Variants in PXT1 observed in about 807,000 individuals in gnomAD.
PXT1 encodes peroxisomal testis-specific protein 1.
In PXT1, 11 loss-of-function variants were observed where a neutral mutation model predicts 11.0. The observed-to-expected ratio is 1.00, with a 90% CI of 0.63 to 1.66. PXT1 has a LOEUF of 1.66. Ranked by LOEUF, PXT1 falls within the 40% of genes most tolerant of loss-of-function variation. PXT1 has a pLI of 0.00. For synonymous variants in PXT1, 43 were observed against 51.4 expected (o/e 0.84, Z 0.70); for missense variants, 141 against 155.5 (o/e 0.91, Z 0.49).
chr6:36,414,788 T>G (rs1774425888), intron 3 of PXT1, among the ~76,000 whole-genome samples: 1 of 152,210 alleles, frequency 6.6e-6, no homozygotes, highest in Non-Finnish European at 1.5e-5. Context: ...GGAAAATACA[T>G]GTCTCCCTTT....
At chr6:36,392,107 G>A in intron 4 of PXT1, 1 of 407,920 alleles carries the variant, frequency 2.5e-6, no homozygotes, top group Non-Finnish European at 4.4e-6. Context: ...TTTCCCACCT[G>A]GCCTCAAACT....
At chr6:36,425,660 C>T (rs772604946) in intron 3 of PXT1, among the ~76,000 whole-genome samples, 21 of 151,736 alleles carry the variant, frequency 1.4e-4, no homozygotes, top group Admixed American at 4.6e-4. Context: ...TGGTGGTGGG[C>T]GCCTGCAATC....
intron 3 of PXT1, 49 bp downstream of exon 3, chr6:36,425,865 A>G (rs1444202440): frequency 7.8e-7 from 1 of 1,286,328 alleles, no homozygotes. Flanking sequence ...TAGCAAGAAA[A>G]ACACATGCTA....
At chr6:36,430,941 AG>A (rs1272097403) in intron 2 of PXT1, among the ~76,000 whole-genome samples, 3 of 151,964 alleles carry the variant, frequency 2.0e-5, no homozygotes, top group Non-Finnish European at 4.4e-5. Context: ...CAGCCTCCTG[AG>A]TGGCTGGGAT....
intron 3 of PXT1, among the ~76,000 whole-genome samples, chr6:36,413,867 C>CA: frequency 6.6e-6 from 1 of 152,198 alleles, no homozygotes; most frequent in East Asian, 1.9e-4. Flanking sequence ...GATGTGATGG[C>CA]ATGAGCCTAT....
chr6:36,403,999 A>G (rs1378600944), intron 3 of PXT1, among the ~76,000 whole-genome samples: 1 of 152,214 alleles, frequency 6.6e-6, no homozygotes, highest in Admixed American at 6.5e-5. Flanking sequence ...TTCAATAACA[A>G]TGTAGGCGAG....
chr6:36,406,678 G>GTGCATGT (rs1774296615), intron 3 of PXT1, among the ~76,000 whole-genome samples: 1 of 152,012 alleles, frequency 6.6e-6, no homozygotes, highest in Admixed American at 6.6e-5. Flanking sequence ...GGGTGTGGCG[G>GTGCATGT]TGCATGTCTG....
intron 2 of PXT1, among the ~76,000 whole-genome samples, chr6:36,427,029 A>G (rs201011728): frequency 4.1e-5 from 3 of 73,698 alleles, no homozygotes; most frequent in Non-Finnish European, 7.4e-5. Context: ...TTTTTTTTTG[A>G]GACAGAGTCT....
At chr6:36,419,211 A>C (rs76615075) in intron 3 of PXT1, among the ~76,000 whole-genome samples, 167 of 152,338 alleles carry the variant, frequency 1.1e-3, no homozygotes, top group Middle Eastern at 6.8e-3. Flanking sequence ...GGAAGACTGA[A>C]CAAATTTCAC....
At chr6:36,420,912 G>A (rs925039578) in intron 3 of PXT1, among the ~76,000 whole-genome samples, 2 of 151,972 alleles carry the variant, frequency 1.3e-5, no homozygotes, top group Admixed American at 6.6e-5. Context: ...AAAATTAGCC[G>A]GGCATGGTGG....
chr6:36,408,294 C>A (rs1222179163), intron 3 of PXT1, among the ~76,000 whole-genome samples: 1 of 147,800 alleles, frequency 6.8e-6, no homozygotes, highest in Non-Finnish European at 1.5e-5. Context: ...GGGTCTCTCT[C>A]TATTGCCTCT....
intron 1 of PXT1, among the ~76,000 whole-genome samples, 176 bp downstream of exon 1, chr6:36,442,359 T>C (rs1355406400): frequency 6.6e-6 from 1 of 152,170 alleles, no homozygotes; most frequent in Non-Finnish European, 1.5e-5. Flanking sequence ...CAAAAGCCAC[T>C]AGAAACCGTG....
At chr6:36,437,494 A>G (rs1774783403) in intron 2 of PXT1, among the ~76,000 whole-genome samples, 1 of 141,880 alleles carries the variant, frequency 7.0e-6, no homozygotes, top group African/African-American at 2.6e-5. Context: ...ACATATAAAC[A>G]AAAAATATTT....
rs767510507 is a variant in PXT1 at position 36,400,489 on chromosome 6, T to A, written c.265A>T (p.Ile89Phe). The stretch of plus-strand genomic sequence containing the variant: ...ATCCTATGATCAATGTTGTCCCCAA[T>A]GTGTCTCAGCTGCATGGCCAACTTG... ...IHKLAMQLRH[I>F]GDNIDHRMVR... The change falls in exon 4 of 5, where the codon ATT becomes TTT. Residue 89 changes from isoleucine (I) to phenylalanine (F), a missense_variant. Coordinates refer to ENST00000454782, the MANE Select transcript of PXT1 (RefSeq NM_152990.4). The A allele has an allele frequency of 6.2e-7, 1 of 1,614,004 alleles. No homozygotes were observed. The highest frequency in any genetic ancestry group is 8.5e-7 in the Non-Finnish European group (1 of 1,179,892).
rs1774522760 is a variant in PXT1, at chr6:36,421,355, G to A, written c.169+4559C>T. 2.0e-5 allele frequency among the ~76,000 whole-genome samples: 3 copies of A among 152,066 alleles called. No homozygotes were observed. The South Asian group carries it at 6.2e-4, about 32-fold the overall frequency. On this transcript the variant is annotated intron_variant, in intron 3 of 4. Transcript: ENST00000454782. ...GCATACCTATGGTCCCAGCTACTTG[G>A]GAGGCTGAGGCAGGAAGACCACTTG...
At chr6:36,425,235 G>A (rs1284779155) in intron 3 of PXT1, among the ~76,000 whole-genome samples, 1 of 152,118 alleles carries the variant, frequency 6.6e-6, no homozygotes, top group Non-Finnish European at 1.5e-5. Context: ...GCAAAATCGA[G>A]AAGAAATCTA....
intron 3 of PXT1, among the ~76,000 whole-genome samples, chr6:36,421,595 A>G (rs1469627650): frequency 6.6e-6 from 1 of 152,260 alleles, no homozygotes; most frequent in Non-Finnish European, 1.5e-5. Flanking sequence ...GTATCTCAGG[A>G]AAGTTTTTAA....
chr6:36,413,834 C>CA (rs1774409753), intron 3 of PXT1, among the ~76,000 whole-genome samples: 1 of 151,816 alleles, frequency 6.6e-6, no homozygotes, highest in South Asian at 2.1e-4. Flanking sequence ...CCCATCTGTA[C>CA]AAAAAAATTT....
intron 1 of PXT1, among the ~76,000 whole-genome samples, chr6:36,440,665 T>TA (rs1293808172): frequency 1.3e-5 from 2 of 151,830 alleles, no homozygotes; most frequent in African/African-American, 4.8e-5. Flanking sequence ...AAATTAGAAA[T>TA]AAAATGATAA....
Sources: allele counts gnomAD v4.1 joint callset (sites outside exome capture counted in the v4.1 genomes callset), GRCh38; gene constraint gnomAD v4.1.1; transcripts MANE v1.5; gene names NCBI Gene and HGNC (gene_info 2026-07-23, HGNC 2026-07-21).